CHP1: variants seen among roughly 807,000 people sequenced by gnomAD.
The protein encoded by CHP1 is calcineurin like EF-hand protein 1, also known as calcineurin B homologous protein 1.
A neutral mutation model predicts 27.4 loss-of-function variants in CHP1; 11 were observed. The ratio of observed to expected loss-of-function variants is 0.40; its 90% confidence interval spans 0.25 to 0.67. CHP1 has a LOEUF of 0.67. Ranked by LOEUF, CHP1 falls within the 30% of genes least tolerant of loss-of-function variation. The probability of loss-of-function intolerance (pLI) is 0.38; values close to 1 mark genes in which losing one functional copy is unlikely to be tolerated. For synonymous variants in CHP1, 89 were observed against 87.4 expected (o/e 1.02, Z -0.10); for missense variants, 169 against 251.3 (o/e 0.67, Z 2.22).
intron 2 of CHP1, among the ~76,000 whole-genome samples, chr15:41,254,516 TTAAA>T (rs1399895263): frequency 2.0e-5 from 3 of 152,244 alleles, no homozygotes; most frequent in African/African-American, 7.2e-5. Flanking sequence ...GTTTGTTGAA[TTAAA>T]TAATCAGGAC....
chr15:41,250,181 TCA>T (rs1258905209), intron 2 of CHP1, among the ~76,000 whole-genome samples: 1 of 152,106 alleles, frequency 6.6e-6, no homozygotes, highest in Non-Finnish European at 1.5e-5. Flanking sequence ...TTACTAGATT[TCA>T]CCACATCTTT....
intron 4 of CHP1, among the ~76,000 whole-genome samples, chr15:41,267,769 C>CAA (rs751601940): frequency 4.3e-5 from 5 of 116,344 alleles, no homozygotes; most frequent in Admixed American, 1.8e-4. Flanking sequence ...ACAGTATCTA[C>CAA]AAAAAAAAAA....
chr15:41,237,146 CTTT>C (rs1157143384), intron 1 of CHP1, among the ~76,000 whole-genome samples: 6 of 127,760 alleles, frequency 4.7e-5, no homozygotes, highest in African/African-American at 1.1e-4. Context: ...TTTTCTTTTT[CTTT>C]TTTTTTTTTT....
rs142656205 is a variant in CHP1 at position 41,247,964 on chromosome 15, G to A, written c.140+4225G>A. On this transcript the variant is annotated intron_variant, in intron 2 of 6. Transcript: ENST00000334660. ...AGCCTGGGCGACAGAGCAAGACTCC[G>A]TCTCAAATAAAAAAATAAATAAATA... 2.6e-3 allele frequency among the ~76,000 whole-genome samples: 384 copies of A among 148,648 alleles called. 14 individuals are homozygous for A. The East Asian group carries it at 0.055, about 21-fold the overall frequency.
At chr15:41,243,845 G>A (rs1211537944) in intron 2 of CHP1, 106 bp downstream of exon 2, 17 of 867,796 alleles carry the variant, frequency 2.0e-5, no homozygotes, top group Non-Finnish European at 3.1e-5. Flanking sequence ...CATCCAGCAT[G>A]CAGATAGCAA....
intron 4 of CHP1, among the ~76,000 whole-genome samples, chr15:41,266,425 T>C (rs1430609148): frequency 1.3e-5 from 2 of 152,086 alleles, no homozygotes; most frequent in African/African-American, 2.4e-5. Context: ...GAGAGAAGTC[T>C]AGAGGTCTAC....
chr15:41,240,870 T>TTC (rs1225770250), intron 1 of CHP1, among the ~76,000 whole-genome samples: 1 of 151,968 alleles, frequency 6.6e-6, no homozygotes, highest in Non-Finnish European at 1.5e-5. Flanking sequence ...CTTTTTTTTT[T>TTC]TGAAACAGAG....
At chr15:41,248,976 C>G (rs1256696691) in intron 2 of CHP1, among the ~76,000 whole-genome samples, 2 of 152,084 alleles carry the variant, frequency 1.3e-5, no homozygotes, top group African/African-American at 2.4e-5. Flanking sequence ...TCTCTCAGCC[C>G]TCTCCTCTTC....
intron 2 of CHP1, among the ~76,000 whole-genome samples, chr15:41,253,833 C>T (rs746860465): frequency 7.9e-5 from 12 of 151,942 alleles, no homozygotes; most frequent in South Asian, 2.1e-4. Flanking sequence ...CACCCAGGCT[C>T]GAGGGCAGTG....
chr15:41,250,660 CAA>C (rs11288125), intron 2 of CHP1, among the ~76,000 whole-genome samples: 91 of 124,590 alleles, frequency 7.3e-4, no homozygotes, highest in African/African-American at 8.2e-4. Context: ...GGTTTCTTAC[CAA>C]AAAAAAAAAA....
rs1435595440 is a variant in CHP1 at position 41,231,425 on chromosome 15, G to C, written c.43G>C (p.Glu15Gln). The C allele has an allele frequency of 6.2e-7, 1 of 1,604,774 alleles. No individual in the cohort carries two copies. Among genetic ancestry groups the C allele is most frequent in the African/African-American group, 1.3e-5 (1 of 74,958 alleles). The change falls in exon 1 of 7, where the codon GAG (glutamate) becomes CAG (glutamine). Residue 15 changes from glutamate to glutamine, a missense_variant. Physicochemically the swap from Glu to Gln is conservative, Grantham distance 29. Coordinates refer to ENST00000334660, the MANE Select transcript of CHP1 (RefSeq NM_007236.5). ...ASTLLRDEELEEIKKETGFSH... is the reference protein window; with the variant it reads ...ASTLLRDEELQEIKKETGFSH... ...CACGTTACTGCGGGACGAAGAGCTC[G>C]AGGAGATCAAGAAGGAGACCGGCTG...
intron 1 of CHP1, among the ~76,000 whole-genome samples, chr15:41,239,864 C>T (rs998692600): frequency 6.6e-6 from 1 of 151,908 alleles, no homozygotes; most frequent in African/African-American, 2.4e-5. Flanking sequence ...GCAAGCTCCG[C>T]CTCCCAGGTT....
At position 41,251,573 on chromosome 15, in the gene CHP1, C is replaced by T. The variant is rs555370513; in HGVS notation, c.141-5337C>T. 1.4e-3 allele frequency among the ~76,000 whole-genome samples: 209 copies of T among 152,192 alleles called. 2 individuals are homozygous for T. Among genetic ancestry groups the T allele is most frequent in the African/African-American group, 4.7e-3 (197 of 41,512 alleles). ...CAAGTGAGCATTATCACCTGAGCAC[C>T]GCCTCCGGTCAGATCAGTGGCGGCA... On this transcript the variant is annotated intron_variant, in intron 2 of 6. Coordinates refer to ENST00000334660, the MANE Select transcript of CHP1 (RefSeq NM_007236.5).
chr15:41,279,473 C>T lies in CHP1; in HGVS notation c.*84C>T, dbSNP rs183415199. On this transcript the variant is annotated 3_prime_UTR_variant, in exon 7 of 7. Transcript: ENST00000334660. The stretch of plus-strand genomic sequence containing the variant: ...CTTCTACCAACTCCACCTCCACCCC[C>T]TCATTCCCCTTCTCCCAAAGTACTA... 3 of 1,117,346 alleles carry T rather than the reference C, an allele frequency of 2.7e-6. No homozygotes were observed. The highest frequency in any genetic ancestry group is 4.0e-6 in the Non-Finnish European group (3 of 742,008). 69.2% of individuals were successfully genotyped at this position (1,117,346 alleles called of 1,614,324 possible).
intron 5 of CHP1, among the ~76,000 whole-genome samples, chr15:41,276,499 G>C (rs983354770): frequency 6.6e-6 from 1 of 152,104 alleles, no homozygotes; most frequent in African/African-American, 2.4e-5. Context: ...TGCTTATTTT[G>C]TTTAAGGAAG....
At chr15:41,244,196 T>TAAA (rs35765288) in intron 2 of CHP1, among the ~76,000 whole-genome samples, 4 of 129,074 alleles carry the variant, frequency 3.1e-5, no homozygotes, top group African/African-American at 8.7e-5. Flanking sequence ...AGACTCCATC[T>TAAA]AAAAAAAAAA....
Position 41,279,333 on chromosome 15 carries a change from C to T in CHP1, c.535-3C>T. The T allele has an allele frequency of 1.2e-6, 2 of 1,613,038 alleles. No homozygotes were observed. Among genetic ancestry groups the T allele is most frequent in the East Asian group, 2.2e-5 (1 of 44,888 alleles). On this transcript the variant is annotated splice_polypyrimidine_tract_variant and splice_region_variant and intron_variant, in intron 6 of 6. Transcript: ENST00000334660. ...TGTAACTGTTACTGGTTTTCTCCCC[C>T]AGGTTTTGGAGAAGGTGGATGTAGA...
chr15:41,234,983 G>A (rs559040364), intron 1 of CHP1, among the ~76,000 whole-genome samples: 13 of 152,072 alleles, frequency 8.5e-5, no homozygotes, highest in Non-Finnish European at 1.9e-4. Context: ...TTTTAAAGGA[G>A]TTTTTAACAG....
intron 2 of CHP1, among the ~76,000 whole-genome samples, chr15:41,246,295 A>C (rs1486905017): frequency 6.6e-6 from 1 of 151,488 alleles, no homozygotes; most frequent in Non-Finnish European, 1.5e-5. Flanking sequence ...CTGGAAAATA[A>C]TCGAAAAGTT....
Sources: allele counts gnomAD v4.1 joint callset (sites outside exome capture counted in the v4.1 genomes callset), GRCh38; gene constraint gnomAD v4.1.1; transcripts MANE v1.5; gene names NCBI Gene and HGNC (gene_info 2026-07-23, HGNC 2026-07-21).